NFKB1: variants seen among roughly 807,000 people sequenced by gnomAD.
NFKB1 encodes nuclear factor NF-kappa-B p105 subunit.
Under a neutral mutation model 105.1 loss-of-function variants are expected in NFKB1, and 9 were observed. The ratio of observed to expected loss-of-function variants is 0.09; its 90% CI spans 0.05 to 0.15. The LOEUF is 0.15. Among genes scored for constraint, NFKB1 ranks in the 10% least tolerant of loss-of-function variants. The pLI is 1.00. For missense variants in NFKB1, 830 were observed against 1,203.7 expected, an observed-to-expected ratio of 0.69 and a Z score of 4.59; for synonymous variants, 440 against 442.2, an observed-to-expected ratio of 1.00 and a Z score of 0.06.
chr4:102,587,928 G>A (rs2149196769), intron 11 of NFKB1, among the ~76,000 whole-genome samples: 1 of 152,194 alleles, frequency 6.6e-6, no homozygotes, highest in Non-Finnish European at 1.5e-5. Context: ...ACAACCCAGG[G>A]AAACATTGCA....
intron 5 of NFKB1, among the ~76,000 whole-genome samples, chr4:102,551,468 T>C (rs1490883006): frequency 6.6e-6 from 1 of 152,098 alleles, no homozygotes; most frequent in East Asian, 1.9e-4. Context: ...CCCTTCTCTG[T>C]TTGTGATAGA....
At chr4:102,560,086 A>G (rs1479463281) in intron 5 of NFKB1, among the ~76,000 whole-genome samples, 2 of 152,218 alleles carry the variant, frequency 1.3e-5, no homozygotes, top group Non-Finnish European at 2.9e-5. Flanking sequence ...CAGTGCATTT[A>G]TAAATTACAA....
At position 102,544,408 on chromosome 4, in the gene NFKB1, A is replaced by G. The variant is rs552623711; in HGVS notation, c.258+6452A>G. ...AAAAGATGAAACTGAATTGATGGCC[A>G]AAAGAGTTGAATGGGCTTCACTGCT... On this transcript the variant is annotated intron_variant, in intron 5 of 23. Transcript: ENST00000226574. 4.6e-5 allele frequency among the ~76,000 whole-genome samples: 7 copies of G among 152,318 alleles called. No homozygotes were observed. In the East Asian group the frequency reaches 1.2e-3, roughly 25 times the overall value.
rs768984306 is a variant in NFKB1 at position 102,577,046 on chromosome 4, A to T, written c.571+7A>T. 1 of 1,606,680 alleles carries T rather than the reference A, an allele frequency of 6.2e-7. No individual in the cohort carries two copies. Among genetic ancestry groups the T allele is most frequent in the African/African-American group, 1.3e-5 (1 of 74,362 alleles). On this transcript the variant is annotated splice_region_variant and intron_variant, in intron 7 of 23. Transcript: ENST00000226574. Reference sequence around the variant, plus strand: ...GGGGACCGGCAGCTGGGAGGTAAGCATCATTTTCCTGGCCTTGATCCTCCA... The same window carrying T: ...GGGGACCGGCAGCTGGGAGGTAAGCTTCATTTTCCTGGCCTTGATCCTCCA...
chr4:102,566,245 A>T (rs1224483543), intron 5 of NFKB1, among the ~76,000 whole-genome samples: 1 of 152,248 alleles, frequency 6.6e-6, no homozygotes, highest in African/African-American at 2.4e-5. Context: ...CATACCAATA[A>T]GAAATAAATT....
At chr4:102,572,302 G>A (rs947486997) in intron 6 of NFKB1, among the ~76,000 whole-genome samples, 10 of 142,822 alleles carry the variant, frequency 7.0e-5, no homozygotes, top group Non-Finnish European at 1.5e-4. Context: ...CTTGGACACA[G>A]GGTGGGGAAT....
intron 5 of NFKB1, among the ~76,000 whole-genome samples, chr4:102,544,278 T>C (rs1721960881): frequency 6.6e-6 from 1 of 152,196 alleles, no homozygotes. Context: ...AGATTTTTTC[T>C]TTTTTTATTC....
chr4:102,609,158 C>CAAAAAAAAAAAAAAAAAAAAAAAGAA (rs372174091), intron 19 of NFKB1, among the ~76,000 whole-genome samples: 17 of 97,328 alleles, frequency 1.7e-4, no homozygotes, highest in African/African-American at 5.4e-4. Flanking sequence ...GACCCTGTCT[C>CAAAAAAAAAAAAAAAAAAAAAAAGAA]AAAAAAAAAA....
At chr4:102,565,098 T>TA (rs1723748824) in intron 5 of NFKB1, among the ~76,000 whole-genome samples, 1 of 152,052 alleles carries the variant, frequency 6.6e-6, no homozygotes, top group Admixed American at 6.6e-5. Flanking sequence ...TTCTCCTTGT[T>TA]AAAGGGAAAG....
intron 11 of NFKB1, 70 bp downstream of exon 11, chr4:102,584,890 G>A: frequency 7.0e-7 from 1 of 1,436,604 alleles, no homozygotes; most frequent in Non-Finnish European, 9.4e-7. Context: ...GTTTTGTTTT[G>A]TTTTGTTTTG....
chr4:102,614,873 G>A (rs1457141369), intron 23 of NFKB1, among the ~76,000 whole-genome samples: 1 of 152,016 alleles, frequency 6.6e-6, no homozygotes, highest in Non-Finnish European at 1.5e-5. Context: ...GGCTACATCT[G>A]TCAGAAGCGC....
chr4:102,528,940 T>C (rs1336488465), intron 2 of NFKB1, among the ~76,000 whole-genome samples: 1 of 152,076 alleles, frequency 6.6e-6, no homozygotes, highest in Admixed American at 6.6e-5. Context: ...CTCATCTCTT[T>C]GCCTTTTGAG....
At chr4:102,519,910 A>G (rs764190460) in intron 1 of NFKB1, among the ~76,000 whole-genome samples, 1 of 152,234 alleles carries the variant, frequency 6.6e-6, no homozygotes, top group African/African-American at 2.4e-5. Flanking sequence ...CCCATGAGGT[A>G]GTCAGTAAAG....
At chr4:102,507,576 A>G (rs1429244629) in intron 1 of NFKB1, among the ~76,000 whole-genome samples, 5 of 152,110 alleles carry the variant, frequency 3.3e-5, no homozygotes, top group Admixed American at 2.6e-4. Context: ...TGCCGGGATT[A>G]CAGGCGTGAG....
chr4:102,561,131 T>C (rs1560673647), intron 5 of NFKB1, among the ~76,000 whole-genome samples: 1 of 152,210 alleles, frequency 6.6e-6, no homozygotes, highest in Non-Finnish European at 1.5e-5. Context: ...TGTACTATCT[T>C]ATTTGGTAAA....
chr4:102,507,065 T>C (rs1262860513), intron 1 of NFKB1, among the ~76,000 whole-genome samples: 2 of 150,078 alleles, frequency 1.3e-5, no homozygotes, highest in East Asian at 1.9e-4. Flanking sequence ...GTTACAAATA[T>C]GTATATATAA....
intron 1 of NFKB1, among the ~76,000 whole-genome samples, chr4:102,520,010 G>A (rs1740462089): frequency 6.6e-6 from 1 of 152,062 alleles, no homozygotes; most frequent in African/African-American, 2.4e-5. Flanking sequence ...TGATATTTAG[G>A]GTTGCATAAT....
At chr4:102,544,109 C>T (rs560772223) in intron 5 of NFKB1, among the ~76,000 whole-genome samples, 68 of 147,278 alleles carry the variant, frequency 4.6e-4, no homozygotes, top group African/African-American at 1.7e-3. Context: ...CAGACTTACA[C>T]ATGTATGTAT....
chr4:102,509,879 C>G (rs1261006441), intron 1 of NFKB1, among the ~76,000 whole-genome samples: 1 of 152,146 alleles, frequency 6.6e-6, no homozygotes, highest in African/African-American at 2.4e-5. Context: ...GCATAATGGT[C>G]AGCTTTCTAA....
Sources: allele counts gnomAD v4.1 joint callset (sites outside exome capture counted in the v4.1 genomes callset), GRCh38; gene constraint gnomAD v4.1.1; transcripts MANE v1.5; gene names NCBI Gene and HGNC (gene_info 2026-07-23, HGNC 2026-07-21).